Variants in PAPOLA observed in about 807,000 individuals in gnomAD.
The protein encoded by PAPOLA is poly(A) polymerase alpha.
PAPOLA carries 15 observed loss-of-function variants against 100.6 expected under a neutral mutation model. The observed-to-expected ratio is 0.15, with a 90% confidence interval of 0.10 to 0.23. The LOEUF is 0.23. Ranked by LOEUF, PAPOLA falls within the 10% of genes least tolerant of loss-of-function variation. The probability of loss-of-function intolerance (pLI) is 1.00; values close to 1 mark genes in which losing one functional copy is unlikely to be tolerated. For missense variants in PAPOLA, 533 were observed against 884.2 expected (o/e 0.60, Z 5.04); for synonymous variants, 293 against 300.0 (o/e 0.98, Z 0.24).
intron 6 of PAPOLA, among the ~76,000 whole-genome samples, chr14:96,531,148 C>T (rs577954506): frequency 1.4e-4 from 22 of 152,086 alleles, no homozygotes; most frequent in Admixed American, 3.9e-4. Context: ...ACTACAGGTG[C>T]CCACCACCAT....
chr14:96,549,446 C>T (rs1900662688), intron 16 of PAPOLA, among the ~76,000 whole-genome samples: 1 of 151,956 alleles, frequency 6.6e-6, no homozygotes, highest in Non-Finnish European at 1.5e-5. Context: ...GACGGGGTTT[C>T]ACCGTGTTAG....
At chr14:96,509,492 G>A (rs988647256) in intron 1 of PAPOLA, among the ~76,000 whole-genome samples, 3 of 152,170 alleles carry the variant, frequency 2.0e-5, no homozygotes, top group African/African-American at 7.2e-5. Context: ...TACACAGAAT[G>A]TAACATACTA....
At chr14:96,527,341 G>A in intron 4 of PAPOLA, 89 bp from the exon 5 acceptor site, 1 of 777,600 alleles carries the variant, frequency 1.3e-6, no homozygotes, top group Non-Finnish European at 2.2e-6. Flanking sequence ...ATGTTAAACA[G>A]ATTCTCAACA....
At chr14:96,535,005 C>A (rs1399442143) in intron 10 of PAPOLA, 1 of 980,036 alleles carries the variant, frequency 1.0e-6, no homozygotes, top group African/African-American at 1.7e-5. Context: ...ACTTTAATTA[C>A]CATGATGTAA....
chr14:96,505,058 T>C (rs572515171), intron 1 of PAPOLA, among the ~76,000 whole-genome samples: 5 of 152,262 alleles, frequency 3.3e-5, no homozygotes, highest in Non-Finnish European at 7.3e-5. Flanking sequence ...GCTACAAACA[T>C]ACTTTTGGAA....
chr14:96,526,246 A>G (rs1347034950), intron 4 of PAPOLA: 1 of 152,232 alleles, frequency 6.6e-6, no homozygotes, highest in Non-Finnish European at 1.5e-5. Context: ...TTATTCTCAC[A>G]TAACAAACAG....
chr14:96,511,195 G>A (rs1195108734), intron 1 of PAPOLA, among the ~76,000 whole-genome samples: 2 of 152,170 alleles, frequency 1.3e-5, no homozygotes, highest in Non-Finnish European at 2.9e-5. Flanking sequence ...AATATCATGG[G>A]CCACAACTTG....
chr14:96,516,050 A>G (rs945888643), intron 1 of PAPOLA, among the ~76,000 whole-genome samples: 4 of 152,212 alleles, frequency 2.6e-5, no homozygotes, highest in African/African-American at 9.6e-5. Context: ...TTTTGTTAGA[A>G]GGAGAACAGC....
chr14:96,555,376 TATTA>T (rs943902450), intron 17 of PAPOLA, among the ~76,000 whole-genome samples: 76 of 152,088 alleles, frequency 5.0e-4, no homozygotes, highest in African/African-American at 1.8e-3. Flanking sequence ...CCTGGCCTCT[TATTA>T]ATAACTTTTT....
chr14:96,505,793 G>A (rs1423289575), intron 1 of PAPOLA, among the ~76,000 whole-genome samples: 1 of 152,128 alleles, frequency 6.6e-6, no homozygotes, highest in Non-Finnish European at 1.5e-5. Flanking sequence ...GTACTTAACG[G>A]TGCAAAAGCA....
chr14:96,551,849 A>C (rs1900871744), intron 16 of PAPOLA, among the ~76,000 whole-genome samples: 1 of 152,268 alleles, frequency 6.6e-6, no homozygotes. Flanking sequence ...TTTAGTTTTC[A>C]GAAAGTTATT....
chr14:96,520,268 TA>T (rs1263224542), intron 2 of PAPOLA, 40 bp downstream of exon 2: 2 of 1,510,872 alleles, frequency 1.3e-6, no homozygotes, highest in Non-Finnish European at 1.8e-6. Context: ...CGGAAACTTT[TA>T]TTAATGTTGA....
At chr14:96,509,576 T>C in intron 1 of PAPOLA, among the ~76,000 whole-genome samples, 1 of 152,248 alleles carries the variant, frequency 6.6e-6, no homozygotes, top group Non-Finnish European at 1.5e-5. Context: ...TCAGATTTTA[T>C]TGTGGGAACA....
chr14:96,557,637 A>G (rs917917668), intron 19 of PAPOLA, among the ~76,000 whole-genome samples: 2 of 151,904 alleles, frequency 1.3e-5, no homozygotes, highest in African/African-American at 4.8e-5. Flanking sequence ...TAGAGTGGAA[A>G]AAAAACCCCT....
intron 5 of PAPOLA, 129 bp from the exon 6 acceptor site, chr14:96,527,824 T>A: frequency 5.4e-6 from 4 of 740,080 alleles, no homozygotes; most frequent in Non-Finnish European, 9.9e-6. Flanking sequence ...TGATTTCTGA[T>A]CTGTCTGATC....
intron 1 of PAPOLA, among the ~76,000 whole-genome samples, chr14:96,504,098 G>A (rs1218293984): frequency 6.6e-6 from 1 of 152,132 alleles, no homozygotes; most frequent in Admixed American, 6.5e-5. Flanking sequence ...GATTGTTGTG[G>A]TGTTTCTCAG....
chr14:96,512,872 A>G (rs962203180), intron 1 of PAPOLA, among the ~76,000 whole-genome samples: 35 of 152,306 alleles, frequency 2.3e-4, no homozygotes, highest in African/African-American at 8.2e-4. Flanking sequence ...TATGAGATCA[A>G]GAGAGTTAAT....
At chr14:96,535,103 TACA>T (rs1391493569) in intron 10 of PAPOLA, 5 of 980,866 alleles carry the variant, frequency 5.1e-6, no homozygotes, top group Non-Finnish European at 4.8e-6. Context: ...CTTGGGAAGT[TACA>T]ACATTTACCG....
chr14:96,510,469 CA>C (rs145073949), intron 1 of PAPOLA, among the ~76,000 whole-genome samples: 38,561 of 150,038 alleles, frequency 0.26, 5,427 homozygotes, highest in African/African-American at 0.39. Context: ...GAGAGGGACA[CA>C]ACACACACGC....
Sources: allele counts gnomAD v4.1 joint callset (sites outside exome capture counted in the v4.1 genomes callset), GRCh38; gene constraint gnomAD v4.1.1; transcripts MANE v1.5; gene names NCBI Gene and HGNC (gene_info 2026-07-23, HGNC 2026-07-21).